Variants in PPP1R42 observed in about 807,000 individuals in gnomAD.
The protein encoded by PPP1R42 is protein phosphatase 1 regulatory subunit 42, also known as leucine rich repeat containing 67.
A neutral mutation model predicts 31.0 loss-of-function variants in PPP1R42; 34 were observed. The observed-to-expected ratio is 1.10, with a 90% CI of 0.83 to 1.46. PPP1R42 has a LOEUF of 1.46. PPP1R42 is among the 40% of genes most tolerant of loss of function. The pLI is 0.00. For synonymous variants in PPP1R42, 103 were observed against 109.8 expected, an observed-to-expected ratio of 0.94 and a Z score of 0.39; for missense variants, 268 against 303.0, an observed-to-expected ratio of 0.88 and a Z score of 0.86.
intron 7 of PPP1R42, among the ~76,000 whole-genome samples, chr8:66,969,931 T>A (rs1003509135): frequency 2.0e-5 from 3 of 152,190 alleles, no homozygotes; most frequent in Non-Finnish European, 4.4e-5. Context: ...TTATAAGATG[T>A]ATTAGGATCT....
Position 66,972,214 on chromosome 8 carries a change from C to T in PPP1R42, c.803-7880G>A, listed in dbSNP as rs369535465. On this transcript the variant is annotated intron_variant, in intron 7 of 7. Transcript: ENST00000685739. ...TACAGGGATGTCACTGCTTTTAAGC[C>T]TGAGAGTTCCAGGTTTGTACCATCT... 1.0e-3 allele frequency among the ~76,000 whole-genome samples: 159 copies of T among 152,176 alleles called. 6 individuals carry two copies. The South Asian group carries it at 0.032, about 30-fold the overall frequency.
rs577294367 is a variant in PPP1R42 at position 67,012,432 on chromosome 8, C to T, written c.435+526G>A. Among the ~76,000 whole-genome samples the T allele has an allele frequency of 6.6e-5, 10 of 152,124 alleles. No homozygotes were observed. The South Asian group carries it at 8.3e-4, about 13-fold the overall frequency. On this transcript the variant is annotated intron_variant, in intron 4 of 7. Coordinates refer to ENST00000685739, the MANE Select transcript of PPP1R42 (RefSeq NM_001364910.1). ...TCCATCCAATGTGACTGGTTTCAGG[C>T]GACACAGTTGGGGCCCCAACCCCAG...
chr8:67,012,452 C>T (rs1815870530), intron 4 of PPP1R42, among the ~76,000 whole-genome samples: 1 of 152,078 alleles, frequency 6.6e-6, no homozygotes, highest in Admixed American at 6.5e-5. Flanking sequence ...GGGGCCCCAA[C>T]CCCAGGGCTC....
rs1316956183 is a variant in PPP1R42, at chr8:67,007,023, G to A, written c.552+3692C>T. 6.6e-5 allele frequency among the ~76,000 whole-genome samples: 10 copies of A among 151,378 alleles called. No homozygotes were observed. The East Asian group carries it at 1.9e-3, about 29-fold the overall frequency. Reference sequence around the variant, plus strand: ...CTCCCAAAGTGCTGGGATCACAGGCGTAAGCCACTGCGCCCGGCCTCTTTT... The same window carrying A: ...CTCCCAAAGTGCTGGGATCACAGGCATAAGCCACTGCGCCCGGCCTCTTTT... On this transcript the variant is annotated intron_variant, in intron 5 of 7. Coordinates refer to ENST00000685739, the MANE Select transcript of PPP1R42 (RefSeq NM_001364910.1).
At chr8:67,025,145 A>C (rs1244196677) in intron 1 of PPP1R42, among the ~76,000 whole-genome samples, 2 of 150,396 alleles carry the variant, frequency 1.3e-5, no homozygotes, top group Non-Finnish European at 3.0e-5. Context: ...GGGTCTTACT[A>C]TGTTGCCAAG....
At chr8:67,027,200 A>T (rs1292227925) in intron 1 of PPP1R42, among the ~76,000 whole-genome samples, 4 of 152,032 alleles carry the variant, frequency 2.6e-5, no homozygotes, top group Admixed American at 1.3e-4. Flanking sequence ...CATGCCCAGC[A>T]ATTTTTCAAG....
At chr8:66,985,589 G>C in intron 6 of PPP1R42, 2 of 1,364,764 alleles carry the variant, frequency 1.5e-6, no homozygotes, top group East Asian at 2.3e-5. Context: ...AGCCCGGCTT[G>C]GATTCGAGCT....
At chr8:66,987,657 T>G (rs1454294458) in intron 6 of PPP1R42, among the ~76,000 whole-genome samples, 2 of 152,190 alleles carry the variant, frequency 1.3e-5, no homozygotes. Flanking sequence ...AGGTAATGAA[T>G]TCAAGATTAT....
intron 7 of PPP1R42, among the ~76,000 whole-genome samples, chr8:66,981,075 CAT>C (rs1194340831): frequency 1.3e-5 from 2 of 152,142 alleles, no homozygotes; most frequent in African/African-American, 4.8e-5. Context: ...CTCCTGACCT[CAT>C]GTGATCTGCC....
chr8:67,012,275 A>G (rs762876693), intron 4 of PPP1R42, among the ~76,000 whole-genome samples: 1 of 152,202 alleles, frequency 6.6e-6, no homozygotes, highest in African/African-American at 2.4e-5. Flanking sequence ...TGAAATCTGT[A>G]AAACAACTAC....
chr8:67,010,259 T>A (rs1815804194), intron 5 of PPP1R42, among the ~76,000 whole-genome samples: 1 of 152,216 alleles, frequency 6.6e-6, no homozygotes, highest in Non-Finnish European at 1.5e-5. Context: ...TGATATGATA[T>A]AACATGACAT....
intron 7 of PPP1R42, among the ~76,000 whole-genome samples, chr8:66,965,756 AC>A (rs879498851): frequency 1.2e-4 from 19 of 152,094 alleles, no homozygotes; most frequent in African/African-American, 4.6e-4. Flanking sequence ...CCCGGTCTGT[AC>A]AAAAAAATTT....
intron 5 of PPP1R42, 149 bp from the exon 6 acceptor site, chr8:66,988,666 T>C: frequency 1.6e-6 from 1 of 632,830 alleles, no homozygotes. Context: ...TAACTAAATT[T>C]TGAATAAAAC....
chr8:67,009,244 T>C (rs1294056070), intron 5 of PPP1R42, among the ~76,000 whole-genome samples: 1 of 151,454 alleles, frequency 6.6e-6, no homozygotes, highest in Non-Finnish European at 1.5e-5. Context: ...CACTCCAGCC[T>C]GGGCTACAGA....
chr8:66,992,876 C>G (rs1815231149), intron 5 of PPP1R42, among the ~76,000 whole-genome samples: 1 of 152,168 alleles, frequency 6.6e-6, no homozygotes, highest in Non-Finnish European at 1.5e-5. Flanking sequence ...GTACTCTCTC[C>G]CCTCCCGACT....
chr8:67,000,263 C>T (rs1815443832), intron 5 of PPP1R42, among the ~76,000 whole-genome samples: 1 of 151,296 alleles, frequency 6.6e-6, no homozygotes, highest in Admixed American at 6.6e-5. Context: ...TTGTATTTTT[C>T]CCTCATTCTT....
rs1023115203 is a variant in PPP1R42 at position 66,985,067 on chromosome 8, T to C, written c.671-2887A>G. On this transcript the variant is annotated intron_variant, in intron 6 of 7. Coordinates refer to ENST00000685739, the MANE Select transcript of PPP1R42 (RefSeq NM_001364910.1). ...ATTATGTAAGAGTCCCACCACTCAA[T>C]TTCAGGGATATCTCCTTCCTTTAGC... is the stretch of plus-strand genomic sequence containing the variant. The C allele has an allele frequency of 2.7e-5, 37 of 1,362,830 alleles. 1 individual carries two copies. The Middle Eastern group carries it at 8.9e-4, about 33-fold the overall frequency. 84.4% of individuals were successfully genotyped at this position (1,362,830 alleles called of 1,614,324 possible). A position where few individuals can be genotyped will look rare whatever the true frequency, so the allele number is the denominator to read the frequency against.
intron 7 of PPP1R42, among the ~76,000 whole-genome samples, chr8:66,969,381 T>C (rs1050159602): frequency 2.0e-5 from 3 of 152,228 alleles, no homozygotes; most frequent in African/African-American, 4.8e-5. Flanking sequence ...GAAATTATTG[T>C]GGTGCTATGG....
chr8:67,025,803 G>A (rs1389551405), intron 1 of PPP1R42, among the ~76,000 whole-genome samples: 10 of 151,082 alleles, frequency 6.6e-5, no homozygotes, highest in Non-Finnish European at 1.0e-4. Flanking sequence ...TCAGGAGTTC[G>A]AGACCAGCCT....
Sources: allele counts gnomAD v4.1 joint callset (sites outside exome capture counted in the v4.1 genomes callset), GRCh38; gene constraint gnomAD v4.1.1; transcripts MANE v1.5; gene names NCBI Gene and HGNC (gene_info 2026-07-23, HGNC 2026-07-21).